PRLR: variants seen among roughly 807,000 people sequenced by gnomAD.
The protein encoded by PRLR is hPRL receptor.
In PRLR, 13 loss-of-function variants were observed where a neutral mutation model predicts 40.2. The ratio of observed to expected loss-of-function variants is 0.32; its 90% CI spans 0.21 to 0.51. The LOEUF (loss-of-function observed/expected upper bound fraction) is 0.51, where lower values mean the gene tolerates loss of function less well. PRLR is among the 20% of genes least tolerant of loss of function. The pLI is 0.97. For synonymous variants in PRLR, 269 were observed against 278.7 expected (o/e 0.97, Z 0.35); for missense variants, 656 against 747.3 (o/e 0.88, Z 1.42).
chr5:35,205,990 A>T (rs1447182833), intron 1 of PRLR, among the ~76,000 whole-genome samples: 1 of 152,230 alleles, frequency 6.6e-6, no homozygotes, highest in Non-Finnish European at 1.5e-5. Flanking sequence ...TAGACAGTGA[A>T]CAAAATTGTC....
At chr5:35,074,749 G>C (rs1340248849) in intron 5 of PRLR, among the ~76,000 whole-genome samples, 1 of 151,950 alleles carries the variant, frequency 6.6e-6, no homozygotes, top group Admixed American at 6.6e-5. Context: ...TATGTGTTTT[G>C]TGTTTTTGCC....
intron 1 of PRLR, among the ~76,000 whole-genome samples, chr5:35,227,158 CTTG>C (rs1346015878): frequency 6.6e-6 from 1 of 152,192 alleles, no homozygotes; most frequent in Non-Finnish European, 1.5e-5. Flanking sequence ...CATAGGTGAT[CTTG>C]TTGTTGCTAC....
intron 1 of PRLR, among the ~76,000 whole-genome samples, chr5:35,149,099 GTTCATAATC>G (rs1393379381): frequency 1.3e-5 from 2 of 152,056 alleles, no homozygotes; most frequent in African/African-American, 4.8e-5. Flanking sequence ...AATAAATAAA[GTTCATAATC>G]TTTATCTGAA....
intron 1 of PRLR, among the ~76,000 whole-genome samples, chr5:35,175,339 C>T (rs1775116780): frequency 6.6e-6 from 1 of 152,228 alleles, no homozygotes; most frequent in Non-Finnish European, 1.5e-5. Context: ...TAAGACACAA[C>T]TTGCTCCTCC....
At chr5:35,129,895 G>A (rs1376403394) in intron 1 of PRLR, among the ~76,000 whole-genome samples, 1 of 152,108 alleles carries the variant, frequency 6.6e-6, no homozygotes, top group East Asian at 1.9e-4. Context: ...AGAGAAGTGA[G>A]CTTGTGGCAC....
chr5:35,213,876 G>A (rs1354584186), intron 1 of PRLR, among the ~76,000 whole-genome samples: 2 of 152,190 alleles, frequency 1.3e-5, no homozygotes, highest in Non-Finnish European at 1.5e-5. Flanking sequence ...TCAGTCCTCA[G>A]TGCCTGGGGC....
intron 1 of PRLR, among the ~76,000 whole-genome samples, chr5:35,119,384 T>TCACACA (rs567644859): frequency 3.6e-4 from 52 of 143,292 alleles, no homozygotes; most frequent in African/African-American, 1.2e-3. Context: ...TCTCTCTCTC[T>TCACACA]CTCACACACA....
At position 35,165,195 on chromosome 5, in the gene PRLR, C is replaced by T. The variant is rs185512763; in HGVS notation, c.-105-47073G>A. 2.8e-3 allele frequency among the ~76,000 whole-genome samples: 426 copies of T among 152,284 alleles called. 6 individuals carry two copies. The highest frequency in any genetic ancestry group is 0.025 in the Admixed American group (384 of 15,280). On this transcript the variant is annotated intron_variant, in intron 1 of 9. Transcript: ENST00000618457. The stretch of plus-strand genomic sequence containing the variant: ...TGACTTTCCCAGGTGTTCTGCTCTT[C>T]CATCAACCACCACTTTGCCCTGCCC...
At chr5:35,139,662 A>T (rs1430551555) in intron 1 of PRLR, among the ~76,000 whole-genome samples, 1 of 152,236 alleles carries the variant, frequency 6.6e-6, no homozygotes, top group Admixed American at 6.5e-5. Context: ...ATGAAACAAA[A>T]TGCCCATTAT....
chr5:35,211,987 T>C lies in PRLR; in HGVS notation c.-106+18281A>G, dbSNP rs566128214. On this transcript the variant is annotated intron_variant, in intron 1 of 9. Transcript: ENST00000618457. ...CTGCTTTTGTGTGACAAGAGCAGAG[T>C]TGAGGAATTGTGACAGAGGCTATAT... 5.3e-5 allele frequency among the ~76,000 whole-genome samples: 8 copies of C among 152,174 alleles called. No homozygotes were observed. In the South Asian group the frequency reaches 6.2e-4, roughly 12 times the overall value.
rs1776049307 is a variant in PRLR, at chr5:35,207,340, TAATA to T, written c.-106+22924_-106+22927del. ...CAGATAAAAAGTAAATATACATCATTAATATTTATCCTGTAGTCCAGTAATACCA... is the reference window on the plus strand; with the variant it reads ...CAGATAAAAAGTAAATATACATCATTTTTATCCTGTAGTCCAGTAATACCA... On this transcript the variant is annotated intron_variant, in intron 1 of 9. Transcript: ENST00000618457. Among the ~76,000 whole-genome samples the T allele has an allele frequency of 2.0e-5, 3 of 152,144 alleles. 1 individual carries two copies. The South Asian group carries it at 6.2e-4, about 32-fold the overall frequency.
rs746827446 is a variant in PRLR, at chr5:35,084,608, T to A, written c.235A>T (p.Ile79Leu). ...ETLMHECPDY[I>L]TGGPNSCHFG... ...TGGCAGGAGTTGGGGCCACCGGTTA[T>A]GTAGTCTGGACATTCATGCATGAGT... Residue 79 changes from isoleucine (I) to leucine (L), a missense_variant, in exon 5 of 10, where the codon ATA becomes TTA. Ile to Leu is a conservative substitution (Grantham distance 5). Coordinates refer to ENST00000618457, the MANE Select transcript of PRLR (RefSeq NM_000949.7). 8 of 1,611,192 alleles carry A rather than the reference T, an allele frequency of 5.0e-6. No homozygotes were observed. The highest frequency in any genetic ancestry group is 5.9e-6 in the Non-Finnish European group (7 of 1,178,878).
At chr5:35,068,428 T>A in intron 8 of PRLR, 143 bp from the exon 9 acceptor site, 1 of 712,082 alleles carries the variant, frequency 1.4e-6, no homozygotes, top group Non-Finnish European at 2.4e-6. Flanking sequence ...ATGATGAAAA[T>A]AAAATTACAG....
chr5:35,139,310 T>G (rs1280632026), intron 1 of PRLR, among the ~76,000 whole-genome samples: 1 of 152,076 alleles, frequency 6.6e-6, no homozygotes, highest in Non-Finnish European at 1.5e-5. Context: ...AATTTTTGTA[T>G]TTTTAGTAGA....
At chr5:35,185,071 C>T (rs1024806909) in intron 1 of PRLR, among the ~76,000 whole-genome samples, 2 of 152,224 alleles carry the variant, frequency 1.3e-5, no homozygotes, top group African/African-American at 4.8e-5. Context: ...TGTGAAGCAT[C>T]CTTTAGCTTT....
intron 5 of PRLR, among the ~76,000 whole-genome samples, chr5:35,083,436 C>T (rs532002443): frequency 4.4e-4 from 61 of 138,132 alleles, no homozygotes; most frequent in Middle Eastern, 3.5e-3. Context: ...CTCTCTCTCT[C>T]TTCCTCTCTC....
At chr5:35,122,507 G>T (rs779843490) in intron 1 of PRLR, among the ~76,000 whole-genome samples, 3 of 152,144 alleles carry the variant, frequency 2.0e-5, no homozygotes, top group Non-Finnish European at 4.4e-5. Flanking sequence ...GCGGTGTTTG[G>T]TTTTCTGTTC....
At position 35,064,841 on chromosome 5, in the gene PRLR, T is replaced by C. The variant is rs1769251272; in HGVS notation, c.*248A>G. On this transcript the variant is annotated 3_prime_UTR_variant, in exon 10 of 10. Coordinates refer to ENST00000618457, the MANE Select transcript of PRLR (RefSeq NM_000949.7). ...TCAAGAATACTAAGCAGTGTGCTTT[T>C]ATTTCATTGAACACATAGTTTTATA... 1.2e-5 allele frequency: 6 copies of C among 491,518 alleles called. No homozygotes were observed. The highest frequency in any genetic ancestry group is 2.1e-5 in the Non-Finnish European group (6 of 279,446). 30.4% of individuals were successfully genotyped at this position (491,518 alleles called of 1,614,324 possible).
chr5:35,137,900 A>G lies in PRLR; in HGVS notation c.-105-19778T>C, dbSNP rs1188831921. ...CAGTAAGCAGAGATGGCGCCATTGC[A>G]CTCCAGCCTGGATGACAGAGCGAGA... On this transcript the variant is annotated intron_variant, in intron 1 of 9. Coordinates refer to ENST00000618457, the MANE Select transcript of PRLR (RefSeq NM_000949.7). Among the ~76,000 whole-genome samples the G allele has an allele frequency of 2.6e-5, 4 of 152,198 alleles. No homozygotes were observed. In the East Asian group the frequency reaches 7.7e-4, roughly 29 times the overall value.
Sources: allele counts gnomAD v4.1 joint callset (sites outside exome capture counted in the v4.1 genomes callset), GRCh38; gene constraint gnomAD v4.1.1; transcripts MANE v1.5; gene names NCBI Gene and HGNC (gene_info 2026-07-23, HGNC 2026-07-21).